The following SNX18 variants were observed in gnomAD, a reference collection of about 807,000 sequenced individuals.
SNX18 encodes the protein sorting nexin 18.
Under a neutral mutation model 48.7 loss-of-function variants are expected in SNX18, and 35 were observed. That is an observed-to-expected ratio of 0.72 (90% CI 0.55 to 0.95). SNX18 has a LOEUF of 0.95. Among genes scored for constraint, SNX18 ranks in the 40% least tolerant of loss-of-function variants. The pLI is 0.00. For missense variants in SNX18, 824 were observed against 871.0 expected (o/e 0.95, Z 0.68); for synonymous variants, 492 against 384.7 (o/e 1.28, Z -3.26).
the SNX18 span, among the ~76,000 whole-genome samples, chr5:54,606,808 C>G: frequency 1.3e-5 from 2 of 152,104 alleles, no homozygotes; most frequent in African/African-American, 4.8e-5. Context: ...ATTTTCCCAG[C>G]TTTATTTGTA....
chr5:54,611,440 C>T, the SNX18 span, among the ~76,000 whole-genome samples: 12,305 of 152,028 alleles, frequency 0.081, 1,090 homozygotes, highest in African/African-American at 0.22. Context: ...CTTCACCCTG[C>T]GGGTCCCAGG....
intron 1 of SNX18, among the ~76,000 whole-genome samples, chr5:54,529,204 G>A (rs1225098413): frequency 6.6e-6 from 1 of 152,122 alleles, no homozygotes; most frequent in East Asian, 1.9e-4. Flanking sequence ...GGTGGGAGGA[G>A]AACACAGAAG....
the SNX18 span, among the ~76,000 whole-genome samples, chr5:54,619,149 C>A: frequency 6.6e-6 from 1 of 152,032 alleles, no homozygotes; most frequent in East Asian, 1.9e-4. Context: ...GAAAGGAAGG[C>A]CCCCGCTCCA....
the SNX18 span, among the ~76,000 whole-genome samples, chr5:54,566,962 A>G: frequency 6.6e-5 from 10 of 152,142 alleles, no homozygotes; most frequent in African/African-American, 2.4e-4. Flanking sequence ...GCCAGAAATC[A>G]CTGAAGTTCA....
At chr5:54,561,605 G>T in the SNX18 span, among the ~76,000 whole-genome samples, 176 of 151,518 alleles carry the variant, frequency 1.2e-3, 1 homozygote, top group African/African-American at 4.2e-3. Context: ...CTCCCAAAGT[G>T]CTGGGATTAC....
chr5:54,535,818 T>C (rs1762342861), intron 1 of SNX18, among the ~76,000 whole-genome samples: 1 of 152,206 alleles, frequency 6.6e-6, no homozygotes, highest in South Asian at 2.1e-4. Flanking sequence ...TCTGCCCTTC[T>C]TACCTGGGAG....
intron 1 of SNX18, among the ~76,000 whole-genome samples, chr5:54,529,149 T>G (rs1007620643): frequency 6.6e-5 from 10 of 152,130 alleles, no homozygotes; most frequent in African/African-American, 2.2e-4. Flanking sequence ...ATTCAGTAAT[T>G]CAGACAAGAC....
intron 1 of SNX18, among the ~76,000 whole-genome samples, chr5:54,529,664 C>G (rs989215961): frequency 2.6e-5 from 4 of 151,464 alleles, no homozygotes; most frequent in African/African-American, 7.3e-5. Flanking sequence ...AGAAGCGATA[C>G]ATTGTCTTAA....
the SNX18 span, among the ~76,000 whole-genome samples, chr5:54,635,132 A>G: frequency 6.6e-6 from 1 of 151,744 alleles, no homozygotes; most frequent in African/African-American, 2.4e-5. Flanking sequence ...GGTAGACATA[A>G]ACACATTTTG....
chr5:54,563,266 C>T, the SNX18 span, among the ~76,000 whole-genome samples: 1 of 152,328 alleles, frequency 6.6e-6, no homozygotes, highest in East Asian at 1.9e-4. Flanking sequence ...TAGGTCTTTA[C>T]ATTCACTCAC....
At chr5:54,571,213 C>T in the SNX18 span, among the ~76,000 whole-genome samples, 6 of 151,908 alleles carry the variant, frequency 3.9e-5, no homozygotes, top group Admixed American at 1.3e-4. Flanking sequence ...GACATGGGCA[C>T]ATGGGGAAAG....
At chr5:54,588,306 C>CTTTATTTTTTTTTTT in the SNX18 span, among the ~76,000 whole-genome samples, 3 of 73,910 alleles carry the variant, frequency 4.1e-5, no homozygotes, top group African/African-American at 5.4e-5. Flanking sequence ...TATTTCTATT[C>CTTTATTTTTTTTTTT]TTTTTTTTTT....
intron 1 of SNX18, among the ~76,000 whole-genome samples, chr5:54,523,720 C>T (rs1762076033): frequency 6.6e-6 from 1 of 152,140 alleles, no homozygotes; most frequent in Admixed American, 6.5e-5. Flanking sequence ...AATGGTATAC[C>T]AGTAGTGGGC....
At chr5:54,522,867 G>A (rs6864794) in intron 1 of SNX18, among the ~76,000 whole-genome samples, 34,288 of 152,112 alleles carry the variant, frequency 0.23, 4,716 homozygotes, top group Non-Finnish European at 0.3. Context: ...ACTTTCTGCA[G>A]AAGTGAAGAA....
At chr5:54,555,092 TCC>T in the SNX18 span, among the ~76,000 whole-genome samples, 24 of 152,224 alleles carry the variant, frequency 1.6e-4, no homozygotes, top group Non-Finnish European at 2.8e-4. Context: ...AACTGTTTCC[TCC>T]GCTGGTTCAG....
In SNX18 at chr5:54,519,155, G is replaced by A; in HGVS notation, c.1203G>A (p.Glu401=). The A allele has an allele frequency of 6.2e-7, 1 of 1,613,978 alleles. No homozygotes were observed. The highest frequency in any genetic ancestry group is 8.5e-7 in the Non-Finnish European group (1 of 1,179,906). The part of the protein sequence containing the change: ...KQGKRKAEKD[E]MVGANFFLTL... ...GCAAGAGGAAGGCCGAGAAGGACGA[G>A]ATGGTGGGCGCCAACTTCTTCCTGA... The change falls in exon 1 of 2, where the codon GAG becomes GAA. Residue 401 remains glutamate (E), a synonymous_variant. Transcript: ENST00000381410.
chr5:54,575,110 G>C, the SNX18 span, among the ~76,000 whole-genome samples: 1 of 152,098 alleles, frequency 6.6e-6, no homozygotes, highest in Non-Finnish European at 1.5e-5. Context: ...TCTGAGACTG[G>C]GTCAGAAAGG....
At chr5:54,605,623 A>C in the SNX18 span, among the ~76,000 whole-genome samples, 2 of 152,184 alleles carry the variant, frequency 1.3e-5, no homozygotes, top group Non-Finnish European at 2.9e-5. Context: ...CATAATCAAC[A>C]TAAAAATTAT....
chr5:54,553,650 C>T, the SNX18 span, among the ~76,000 whole-genome samples: 1 of 152,080 alleles, frequency 6.6e-6, no homozygotes. Context: ...CACTGCTGTC[C>T]CGAGATGTAA....
Sources: allele counts gnomAD v4.1 joint callset (sites outside exome capture counted in the v4.1 genomes callset), GRCh38; gene constraint gnomAD v4.1.1; transcripts MANE v1.5; gene names NCBI Gene and HGNC (gene_info 2026-07-23, HGNC 2026-07-21).